The following KLF13 variants were observed in gnomAD, a reference collection of about 807,000 sequenced individuals.
KLF13 encodes KLF transcription factor 13.
A neutral mutation model predicts 16.7 loss-of-function variants in KLF13; 8 were observed. The observed-to-expected ratio is 0.48, with a 90% confidence interval of 0.28 to 0.87. The LOEUF is 0.87. Among genes scored for constraint, KLF13 ranks in the 40% least tolerant of loss-of-function variants. The pLI is 0.10. For missense variants in KLF13, 447 were observed against 452.2 expected, an observed-to-expected ratio of 0.99 and a Z score of 0.10; for synonymous variants, 245 against 208.4, an observed-to-expected ratio of 1.18 and a Z score of -1.51.
rs1237722485 is a variant in KLF13 at position 31,374,258 on chromosome 15, T to C, written c.*1959T>C. On this transcript the variant is annotated 3_prime_UTR_variant, in exon 2 of 2. Coordinates refer to ENST00000307145, the MANE Select transcript of KLF13 (RefSeq NM_015995.4). ...TGGCCGACAGCGTGGTGGTGACTTC[T>C]AGGTAGACCGATGGACCCTAAATTG... 6.6e-6 allele frequency: 1 copy of C among 152,518 alleles called. No individual in the cohort carries two copies. Among genetic ancestry groups the C allele is most frequent in the African/African-American group, 2.4e-5 (1 of 41,456 alleles). The allele number at this position is 152,518 out of a possible 1,614,324, so 9.4% of individuals were successfully genotyped here.
downstream of KLF13, among the ~76,000 whole-genome samples, chr15:31,406,134 A>G: frequency 6.6e-6 from 1 of 152,244 alleles, no homozygotes; most frequent in East Asian, 1.9e-4. Flanking sequence ...AAAAAGCTGA[A>G]GAGTCTGACA....
intron 1 of KLF13, among the ~76,000 whole-genome samples, chr15:31,330,027 C>T (rs2038799316): frequency 6.6e-6 from 1 of 152,158 alleles, no homozygotes; most frequent in Non-Finnish European, 1.5e-5. Context: ...TCTGGTTCAG[C>T]ATCTGGTGGA....
chr15:31,365,530 C>T (rs1257427637), intron 1 of KLF13, among the ~76,000 whole-genome samples: 1 of 151,390 alleles, frequency 6.6e-6, no homozygotes, highest in African/African-American at 2.4e-5. Context: ...CAAAAATGAC[C>T]ACTCAACAGG....
At chr15:31,359,749 T>C (rs891261442) in intron 1 of KLF13, among the ~76,000 whole-genome samples, 11 of 152,180 alleles carry the variant, frequency 7.2e-5, no homozygotes, top group African/African-American at 2.2e-4. Context: ...CTGTCCACGT[T>C]CCCAGGGGCT....
chr15:31,338,760 C>T (rs745483757), intron 1 of KLF13, among the ~76,000 whole-genome samples: 27 of 152,128 alleles, frequency 1.8e-4, no homozygotes, highest in Non-Finnish European at 3.4e-4. Flanking sequence ...TGGCCCTGGC[C>T]GGGTTAATGG....
At chr15:31,425,058 A>G (rs1195083627) in intron 1 of KLF13, among the ~76,000 whole-genome samples, 1 of 152,172 alleles carries the variant, frequency 6.6e-6, no homozygotes, top group Non-Finnish European at 1.5e-5. Context: ...AAAATAATAT[A>G]CTCAGGAATA....
At chr15:31,385,795 A>G (rs906924400) in intron 1 of KLF13, among the ~76,000 whole-genome samples, 2 of 152,202 alleles carry the variant, frequency 1.3e-5, no homozygotes, top group Non-Finnish European at 2.9e-5. Flanking sequence ...AATTGCCTCT[A>G]AGTGTTCAAG....
chr15:31,434,432 C>T (rs1022244616), intron 1 of KLF13, among the ~76,000 whole-genome samples: 3 of 152,062 alleles, frequency 2.0e-5, no homozygotes, highest in Admixed American at 1.3e-4. Flanking sequence ...CCAACAGTAC[C>T]CCCCAAGGGA....
At chr15:31,432,585 A>C (rs536443204) in intron 1 of KLF13, among the ~76,000 whole-genome samples, 68 of 151,666 alleles carry the variant, frequency 4.5e-4, no homozygotes, top group African/African-American at 1.6e-3. Flanking sequence ...AGTAGCTGGG[A>C]CTATAGGCAT....
At chr15:31,424,882 C>CACAA (rs1375588400) in intron 1 of KLF13, among the ~76,000 whole-genome samples, 5 of 145,574 alleles carry the variant, frequency 3.4e-5, no homozygotes, top group Admixed American at 1.3e-4. Context: ...ATTTCACACA[C>CACAA]ACACACACAC....
intron 1 of KLF13, chr15:31,366,122 C>A (rs965327103): frequency 2.0e-5 from 3 of 151,726 alleles, no homozygotes; most frequent in African/African-American, 7.3e-5. Context: ...ACTCTCCCCG[C>A]AACTGCATGC....
Position 31,373,349 on chromosome 15 carries a change from G to A in KLF13, c.*1050G>A, listed in dbSNP as rs1429764635. The A allele has an allele frequency of 6.6e-6, 1 of 152,294 alleles. No individual in the cohort carries two copies. Among genetic ancestry groups the A allele is most frequent in the African/African-American group, 2.4e-5 (1 of 41,478 alleles). 9.4% of individuals were successfully genotyped at this position (152,294 alleles called of 1,614,324 possible). ...CACCATGCTTCACAGAGACCATTCT[G>A]TAGCAAGAGACCGGAACATTGTGAC... On this transcript the variant is annotated 3_prime_UTR_variant, in exon 2 of 2. Transcript: ENST00000307145.
At chr15:31,391,643 G>T (rs1043796308), upstream of KLF13, among the ~76,000 whole-genome samples, 3 of 150,982 alleles carry the variant, frequency 2.0e-5, no homozygotes, top group East Asian at 6.1e-4. Context: ...AGGTCTAGGC[G>T]GCTGCCGTGG....
intron 1 of KLF13, among the ~76,000 whole-genome samples, chr15:31,339,426 A>G (rs2038986158): frequency 6.6e-6 from 1 of 152,176 alleles, no homozygotes. Flanking sequence ...GGCAGCACAG[A>G]GGACCCCCCA....
chr15:31,345,042 C>T (rs969365537), intron 1 of KLF13, among the ~76,000 whole-genome samples: 4 of 152,220 alleles, frequency 2.6e-5, no homozygotes, highest in African/African-American at 7.2e-5. Context: ...TCAGGGTTCT[C>T]TCCTGGCCCT....
At chr15:31,340,550 T>A (rs1201256324) in intron 1 of KLF13, among the ~76,000 whole-genome samples, 1 of 152,260 alleles carries the variant, frequency 6.6e-6, no homozygotes, top group Non-Finnish European at 1.5e-5. Flanking sequence ...TTCAAAGATG[T>A]ATGCAGAATT....
At chr15:31,367,300 G>A (rs2039489758) in intron 1 of KLF13, among the ~76,000 whole-genome samples, 1 of 152,198 alleles carries the variant, frequency 6.6e-6, no homozygotes, top group Non-Finnish European at 1.5e-5. Context: ...GCAGGCTGAG[G>A]GAGGAGCAGA....
At chr15:31,412,689 CGTG>C (rs1566843372) in intron 1 of KLF13, among the ~76,000 whole-genome samples, 2 of 12,776 alleles carry the variant, frequency 1.6e-4, no homozygotes, top group Admixed American at 8.7e-4. Context: ...ACCTCCAGCT[CGTG>C]ATTTCTTAAA....
intron 1 of KLF13, among the ~76,000 whole-genome samples, chr15:31,328,358 C>G (rs546741266): frequency 1.3e-5 from 2 of 152,088 alleles, no homozygotes; most frequent in East Asian, 3.9e-4. Context: ...TTTTCCAGCG[C>G]TCTAAGGTTT....
Sources: gnomAD v4.1 joint callset for allele counts (sites outside exome capture counted in the v4.1 genomes callset) on GRCh38, gnomAD v4.1.1 for gene constraint, MANE v1.5 for transcripts, NCBI Gene and HGNC (gene_info 2026-07-23, HGNC 2026-07-21) for gene names.